DCHS2: variants seen among roughly 807,000 people sequenced by gnomAD.
The protein encoded by DCHS2 is protocadherin-23.
Under a neutral mutation model 182.4 loss-of-function variants are expected in DCHS2, and 142 were observed. That is an observed-to-expected ratio of 0.78 (90% confidence interval 0.68 to 0.89). The LOEUF (loss-of-function observed/expected upper bound fraction) is 0.89. DCHS2 is among the 40% of genes least tolerant of loss of function. The pLI is 0.00. For missense variants in DCHS2, 4,319 were observed against 4,198.6 expected (o/e 1.03, Z -0.79); for synonymous variants, 1,740 against 1,663.3 (o/e 1.05, Z -1.12).
At chr4:154,462,020 G>A (rs140931837) in intron 1 of DCHS2, among the ~76,000 whole-genome samples, 1 of 152,240 alleles carries the variant, frequency 6.6e-6, no homozygotes, top group African/African-American at 2.4e-5. Flanking sequence ...TTCAGAGGAA[G>A]GAAAGGGACA....
intron 6 of DCHS2, 145 bp from the exon 7 acceptor site, chr4:154,328,337 A>C: frequency 1.9e-6 from 1 of 523,068 alleles, no homozygotes; most frequent in Non-Finnish European, 3.3e-6. Flanking sequence ...TACCATGTAA[A>C]AGTTATATGG....
chr4:154,288,488 A>G (rs1011008542), intron 13 of DCHS2, among the ~76,000 whole-genome samples: 2 of 152,160 alleles, frequency 1.3e-5, no homozygotes, highest in African/African-American at 4.8e-5. Context: ...AACACTCCAC[A>G]TTCAGCATTG....
intron 1 of DCHS2, among the ~76,000 whole-genome samples, chr4:154,480,898 G>A (rs1237626533): frequency 1.3e-5 from 2 of 152,120 alleles, no homozygotes; most frequent in East Asian, 3.9e-4. Context: ...AAAGTGCTGA[G>A]ATTACAGACA....
At chr4:154,314,355 C>A (rs766560318) in intron 10 of DCHS2, among the ~76,000 whole-genome samples, 12 of 152,106 alleles carry the variant, frequency 7.9e-5, no homozygotes, top group Admixed American at 2.6e-4. Context: ...GTTTCTGACA[C>A]CCTAAAAATG....
intron 12 of DCHS2, among the ~76,000 whole-genome samples, chr4:154,302,014 A>G (rs971184804): frequency 6.6e-6 from 1 of 152,202 alleles, no homozygotes; most frequent in African/African-American, 2.4e-5. Flanking sequence ...CTGAGACCTT[A>G]TGTTCATTGG....
At chr4:154,378,520 AGAAGGAAGGAAGGAAGGAAG>A (rs70947162) in intron 1 of DCHS2, among the ~76,000 whole-genome samples, 1 of 64,016 alleles carries the variant, frequency 1.6e-5, no homozygotes, top group African/African-American at 4.7e-5. Flanking sequence ...AAGGAAGGAA[AGAAGGAAGGAAGGAAGGAAG>A]GAAGGAAGGA....
chr4:154,346,199 C>T (rs1356799330), intron 3 of DCHS2, among the ~76,000 whole-genome samples: 1 of 152,154 alleles, frequency 6.6e-6, no homozygotes, highest in African/African-American at 2.4e-5. Context: ...TGGAGGGGCA[C>T]AAACATGTAG....
chr4:154,373,851 G>C, intron 2 of DCHS2: 1 of 1,300,134 alleles, frequency 7.7e-7, no homozygotes, highest in Non-Finnish European at 1.1e-6. Context: ...AAAACTCGAA[G>C]CTCTGACAAC....
intron 1 of DCHS2, among the ~76,000 whole-genome samples, chr4:154,445,267 T>A (rs1024703252): frequency 4.6e-5 from 7 of 152,174 alleles, no homozygotes; most frequent in African/African-American, 1.7e-4. Flanking sequence ...AATAAATATT[T>A]CCTGAATGAA....
chr4:154,347,774 G>A (rs1231225800), intron 3 of DCHS2, among the ~76,000 whole-genome samples: 1 of 151,874 alleles, frequency 6.6e-6, no homozygotes. Flanking sequence ...GCATGCATAG[G>A]AAGTCCGCTG....
chr4:154,385,156 G>A (rs1483903042), intron 1 of DCHS2, among the ~76,000 whole-genome samples: 2 of 141,316 alleles, frequency 1.4e-5, no homozygotes, highest in Non-Finnish European at 3.0e-5. Flanking sequence ...TCCCACCTAT[G>A]AGTGAGAACA....
chr4:154,337,410 C>T (rs1728862661), intron 3 of DCHS2, among the ~76,000 whole-genome samples: 1 of 152,192 alleles, frequency 6.6e-6, no homozygotes, highest in South Asian at 2.1e-4. Context: ...CTGACTCCTT[C>T]TGAACTATTT....
chr4:154,379,394 G>A (rs17373342), intron 1 of DCHS2, among the ~76,000 whole-genome samples: 52,457 of 152,064 alleles, frequency 0.34, 10,342 homozygotes, highest in Non-Finnish European at 0.46. Context: ...AGAGGAGCAT[G>A]AGGATATTTG....
intron 1 of DCHS2, among the ~76,000 whole-genome samples, chr4:154,487,780 G>C (rs781128568): frequency 6.6e-5 from 10 of 152,196 alleles, no homozygotes; most frequent in Non-Finnish European, 1.3e-4. Context: ...TTAAGCTTTA[G>C]AGCTTCATGC....
intron 4 of DCHS2, 90 bp from the exon 5 acceptor site, chr4:154,333,584 T>C: frequency 3.2e-6 from 4 of 1,234,276 alleles, no homozygotes; most frequent in Non-Finnish European, 4.5e-6. Flanking sequence ...AGTCATCCAC[T>C]GCCTAATGAC....
chr4:154,297,715 T>C (rs1734991887), intron 13 of DCHS2, 136 bp downstream of exon 13: 1 of 1,378,988 alleles, frequency 7.3e-7, no homozygotes, highest in Non-Finnish European at 9.7e-7. Context: ...ACCATGTTTA[T>C]TCCAATATCA....
In DCHS2 at chr4:154,257,337, C is replaced by T. The variant is rs114383775; in HGVS notation, c.6790-1667G>A. 2.8e-3 allele frequency among the ~76,000 whole-genome samples: 427 copies of T among 152,228 alleles called. 3 individuals are homozygous for T. Among genetic ancestry groups the T allele is most frequent in the African/African-American group, 9.4e-3 (392 of 41,542 alleles). On this transcript the variant is annotated intron_variant, in intron 15 of 19. Transcript: ENST00000357232. ...ACATCTTAACTAGTGCTAACCCAAC[C>T]GGGGAGAGATGTATCAGAAAGACAG...
chr4:154,357,453 T>A (rs868732376), intron 3 of DCHS2: 2 of 630,218 alleles, frequency 3.2e-6, no homozygotes, highest in Non-Finnish European at 5.6e-6. Flanking sequence ...ATTCACAATC[T>A]TTCTGAGCCC....
chr4:154,347,380 C>A (rs1277038838), intron 3 of DCHS2, among the ~76,000 whole-genome samples: 1 of 151,072 alleles, frequency 6.6e-6, no homozygotes, highest in African/African-American at 2.5e-5. Flanking sequence ...CAGCTGGGTT[C>A]AAATCTTGGT....
Sources: allele counts gnomAD v4.1 joint callset (sites outside exome capture counted in the v4.1 genomes callset), GRCh38; gene constraint gnomAD v4.1.1; transcripts MANE v1.5; gene names NCBI Gene and HGNC (gene_info 2026-07-23, HGNC 2026-07-21).